BLTP3A: variants seen among roughly 807,000 people sequenced by gnomAD.
The protein encoded by BLTP3A is bridge-like lipid transfer protein family member 3A.
the BLTP3A span, among the ~76,000 whole-genome samples, chr6:34,869,481 CT>C: frequency 2.6e-5 from 4 of 151,768 alleles, no homozygotes; most frequent in African/African-American, 9.7e-5. Context: ...GTATTTTTAG[CT>C]TTTTTCACAT....
At chr6:34,864,324 A>G in the BLTP3A span, 2 of 1,018,300 alleles carry the variant, frequency 2.0e-6, no homozygotes, top group Non-Finnish European at 2.8e-6. Flanking sequence ...CTTAATCAAG[A>G]CAAAAAAAGA....
the BLTP3A span, chr6:34,871,453 C>T: frequency 1.0e-5 from 9 of 883,262 alleles, no homozygotes; most frequent in Admixed American, 6.5e-5. Context: ...TCTGCCATGC[C>T]TCTTATACCT....
the BLTP3A span, chr6:34,855,654 G>A: frequency 1.2e-5 from 20 of 1,613,906 alleles, no homozygotes; most frequent in Non-Finnish European, 1.6e-5. Context: ...GTGCCATGCA[G>A]CTTACCTTCC....
the BLTP3A span, among the ~76,000 whole-genome samples, chr6:34,834,024 G>A: frequency 1.8e-4 from 28 of 151,924 alleles, 1 homozygote; most frequent in South Asian, 5.4e-3. Flanking sequence ...ATCACTTGAG[G>A]CCAGGAGTTC....
chr6:34,840,169 T>C, the BLTP3A span, among the ~76,000 whole-genome samples: 1 of 152,188 alleles, frequency 6.6e-6, no homozygotes, highest in East Asian at 1.9e-4. Context: ...TACTTTACAA[T>C]ATGGTACCAA....
chr6:34,810,223 T>C, the BLTP3A span, among the ~76,000 whole-genome samples: 1 of 152,244 alleles, frequency 6.6e-6, no homozygotes, highest in Non-Finnish European at 1.5e-5. Context: ...TGGCACATTG[T>C]GTGGGTCCCA....
At chr6:34,794,233 GA>G in the BLTP3A span, among the ~76,000 whole-genome samples, 1 of 150,916 alleles carries the variant, frequency 6.6e-6, no homozygotes, top group African/African-American at 2.5e-5. Flanking sequence ...TGCTTGAGAG[GA>G]TGGATACTCC....
the BLTP3A span, among the ~76,000 whole-genome samples, chr6:34,801,065 G>T: frequency 6.6e-6 from 1 of 152,098 alleles, no homozygotes; most frequent in Non-Finnish European, 1.5e-5. Context: ...AATATTTGTT[G>T]AATTGACTGT....
the BLTP3A span, chr6:34,870,762 T>C: frequency 4.1e-6 from 6 of 1,455,814 alleles, no homozygotes; most frequent in African/African-American, 8.5e-5. Flanking sequence ...GATATTCCTT[T>C]GACATAGGGT....
the BLTP3A span, among the ~76,000 whole-genome samples, chr6:34,840,708 C>T: frequency 1.3e-5 from 2 of 151,650 alleles, no homozygotes; most frequent in East Asian, 2.0e-4. Flanking sequence ...CTCTGCCTCC[C>T]GGGTTCATGC....
the BLTP3A span, among the ~76,000 whole-genome samples, chr6:34,868,133 G>A: frequency 5.4e-4 from 82 of 151,192 alleles, no homozygotes; most frequent in African/African-American, 1.7e-3. Context: ...ATGGTAAAAC[G>A]CTGTCTCTAC....
the BLTP3A span, among the ~76,000 whole-genome samples, chr6:34,824,951 G>A: frequency 9.9e-5 from 15 of 152,248 alleles, no homozygotes; most frequent in African/African-American, 3.4e-4. Flanking sequence ...AATTACAGGC[G>A]TGAACCACTG....
At chr6:34,846,805 A>T in the BLTP3A span, among the ~76,000 whole-genome samples, 1 of 152,226 alleles carries the variant, frequency 6.6e-6, no homozygotes, top group African/African-American at 2.4e-5. Context: ...TACTATGTTG[A>T]ATAACAGTGG....
the BLTP3A span, among the ~76,000 whole-genome samples, chr6:34,825,774 C>T: frequency 1.3e-5 from 2 of 152,110 alleles, no homozygotes; most frequent in East Asian, 1.9e-4. Flanking sequence ...CACTGAGTAA[C>T]ATTTTAGTGT....
chr6:34,824,979 T>C, the BLTP3A span, among the ~76,000 whole-genome samples: 2 of 152,204 alleles, frequency 1.3e-5, no homozygotes, highest in African/African-American at 4.8e-5. Flanking sequence ...CCTAAATACA[T>C]ATTTTTTTAC....
the BLTP3A span, among the ~76,000 whole-genome samples, chr6:34,825,626 G>A: frequency 8.6e-3 from 1,317 of 152,298 alleles, 10 homozygotes; most frequent in Middle Eastern, 0.024. Context: ...TTTTCTAAAG[G>A]CATTAATCCC....
the BLTP3A span, among the ~76,000 whole-genome samples, chr6:34,818,925 TA>T: frequency 6.6e-6 from 1 of 152,132 alleles, no homozygotes; most frequent in African/African-American, 2.4e-5. Context: ...GCAAAAACAC[TA>T]AAACATAGTT....
chr6:34,853,301 TGACTGAGGCTAGGACTCCC>T, the BLTP3A span, among the ~76,000 whole-genome samples: 3 of 152,032 alleles, frequency 2.0e-5, no homozygotes, highest in South Asian at 4.2e-4. Flanking sequence ...CTCAGCCTCC[TGACTGAGGCTAGGACTCCC>T]GACTGGGACT....
chr6:34,823,107 A>G, the BLTP3A span: 1 of 639,894 alleles, frequency 1.6e-6, no homozygotes. Context: ...TCATTCATTC[A>G]TTCACTCAGT....
Sources: gnomAD v4.1 joint callset for allele counts (sites outside exome capture counted in the v4.1 genomes callset) on GRCh38, gnomAD v4.1.1 for gene constraint, MANE v1.5 for transcripts, NCBI Gene and HGNC (gene_info 2026-07-23, HGNC 2026-07-21) for gene names.